Variants in GSAP observed in about 807,000 individuals in gnomAD.
GSAP encodes gamma-secretase-activating protein.
In GSAP, 118 loss-of-function variants were observed where a neutral mutation model predicts 131.7. The observed-to-expected ratio is 0.90, with a 90% CI of 0.77 to 1.04. The LOEUF is 1.04. GSAP is among the 50% of genes least tolerant of loss of function. The probability of loss-of-function intolerance (pLI) is 0.00; values close to 1 mark genes in which losing one functional copy is unlikely to be tolerated. For missense variants in GSAP, 1,019 were observed against 1,013.2 expected (o/e 1.01, Z -0.08); for synonymous variants, 381 against 363.4 (o/e 1.05, Z -0.55).
chr7:77,344,798 C>CT (rs1445134716), intron 19 of GSAP, among the ~76,000 whole-genome samples: 2 of 152,098 alleles, frequency 1.3e-5, no homozygotes, highest in African/African-American at 4.8e-5. Flanking sequence ...CACCCTCTAC[C>CT]TCTCCCCAGC....
intron 16 of GSAP, among the ~76,000 whole-genome samples, chr7:77,354,840 CAA>C (rs2150867947): frequency 6.6e-6 from 1 of 152,122 alleles, no homozygotes; most frequent in Non-Finnish European, 1.5e-5. Context: ...ATTTTTATTA[CAA>C]ATGTAATAAA....
At chr7:77,416,114 G>A (rs1443878409) in intron 1 of GSAP, 99 bp downstream of exon 1, 2 of 640,610 alleles carry the variant, frequency 3.1e-6, no homozygotes, top group Non-Finnish European at 4.9e-6. Flanking sequence ...TTCTCAGGGC[G>A]GCGACGCCCC....
At chr7:77,339,566 C>T (rs1391701940) in intron 19 of GSAP, among the ~76,000 whole-genome samples, 1 of 152,064 alleles carries the variant, frequency 6.6e-6, no homozygotes, top group East Asian at 1.9e-4. Context: ...CAAAAGAGCC[C>T]CCAAGCATGT....
rs76503071 is a variant in GSAP, at chr7:77,387,242, T to A, written c.456+118A>T. On this transcript the variant is annotated intron_variant, in intron 6 of 30. Transcript: ENST00000257626. ...GCGGATACTTCCAGCCATAGTAGTC[T>A]ACAAGACTGTTCTGAGGATTAAATA... is the stretch of plus-strand genomic sequence containing the variant. The A allele has an allele frequency of 1.3e-3, 779 of 603,774 alleles. 3 individuals are homozygous for A. In the African/African-American group the frequency reaches 0.013, roughly 10 times the overall value. 37.4% of individuals were successfully genotyped at this position (603,774 alleles called of 1,614,324 possible).
intron 5 of GSAP, 25 bp from the exon 6 acceptor site, chr7:77,387,473 T>A: frequency 8.1e-7 from 1 of 1,236,686 alleles, no homozygotes; most frequent in Non-Finnish European, 1.2e-6. Flanking sequence ...AGGCTTTTAG[T>A]AACGAAGATT....
intron 18 of GSAP, among the ~76,000 whole-genome samples, chr7:77,349,879 T>G (rs1474200326): frequency 6.6e-6 from 1 of 152,146 alleles, no homozygotes; most frequent in Non-Finnish European, 1.5e-5. Context: ...GGGTAATTTT[T>G]CTGTACCTCA....
chr7:77,355,435 CAA>C lies in GSAP; in HGVS notation c.1121-7_1121-6del, dbSNP rs35161141. The C allele has an allele frequency of 0.014, 18,891 of 1,310,996 alleles. No individual in the cohort carries two copies. Among genetic ancestry groups the C allele is most frequent in the Non-Finnish European group, 0.017 (15,964 of 947,282 alleles). 81.2% of individuals were successfully genotyped at this position (1,310,996 alleles called of 1,614,324 possible). On this transcript the variant is annotated splice_polypyrimidine_tract_variant and splice_region_variant and intron_variant, in intron 15 of 30. Coordinates refer to ENST00000257626, the MANE Select transcript of GSAP (RefSeq NM_017439.4). ...TATCAATCATTTCATTATTTCCTGG[CAA>C]AAAAAAAAAAAACAGTAGATCAGCA...
chr7:77,416,466 T>G (rs914744906), upstream of GSAP: 16 of 444,296 alleles, frequency 3.6e-5, no homozygotes, highest in African/African-American at 3.1e-4. Context: ...TGCAGCGCCC[T>G]GGCCTGAGAA....
chr7:77,321,842 T>C (rs1223165733), intron 24 of GSAP, among the ~76,000 whole-genome samples: 2 of 152,204 alleles, frequency 1.3e-5, no homozygotes, highest in Non-Finnish European at 2.9e-5. Context: ...CCAGATTCTA[T>C]ACATTACTAG....
chr7:77,412,461 A>C (rs1365388437), intron 1 of GSAP, among the ~76,000 whole-genome samples: 2 of 152,152 alleles, frequency 1.3e-5, no homozygotes, highest in African/African-American at 4.8e-5. Flanking sequence ...GGGAGGATTT[A>C]AGAGATCCAA....
rs759089367 is a variant in GSAP, at chr7:77,387,365, C to A, written c.451G>T (p.Val151Phe). 1 of 1,541,090 alleles carries A rather than the reference C, an allele frequency of 6.5e-7. No homozygotes were observed. The highest frequency in any genetic ancestry group is 2.2e-5 in the East Asian group (1 of 44,530). Residue 151 changes from valine (V) to phenylalanine (F), a missense_variant, in exon 6 of 31, where the codon GTT becomes TTT. Transcript: ENST00000257626. ...TAAATGGCATGCTTACTTACCTGAA[C>A]CCAAATATAGCTATCCACAGCCTTT... ...VLKAVDSYIW[V>F]QFLYPHIESH...
At chr7:77,311,791 A>G in intron 30 of GSAP, 50 bp downstream of exon 30, 1 of 866,984 alleles carries the variant, frequency 1.2e-6, no homozygotes, top group South Asian at 1.3e-5. Flanking sequence ...GGAAGGACTG[A>G]TGTGTCAAGG....
intron 1 of GSAP, among the ~76,000 whole-genome samples, chr7:77,411,233 C>T (rs1400170319): frequency 6.6e-6 from 1 of 151,978 alleles, no homozygotes; most frequent in African/African-American, 2.4e-5. Flanking sequence ...AAATATACCA[C>T]TTCCCTGGCA....
chr7:77,391,125 C>CAAAAAAAA (rs3083869), intron 5 of GSAP, among the ~76,000 whole-genome samples: 42 of 65,054 alleles, frequency 6.5e-4, no homozygotes, highest in African/African-American at 1.3e-3. Context: ...GGCTCCGTCT[C>CAAAAAAAA]AAAAAAAAAA....
At chr7:77,370,590 T>C (rs960453716) in intron 12 of GSAP, among the ~76,000 whole-genome samples, 2 of 152,238 alleles carry the variant, frequency 1.3e-5, no homozygotes, top group African/African-American at 4.8e-5. Context: ...CTCTGCTATG[T>C]ATTTTCCTGT....
chr7:77,375,156 C>T, intron 10 of GSAP, 55 bp from the exon 11 acceptor site: 2 of 1,033,682 alleles, frequency 1.9e-6, no homozygotes, highest in South Asian at 1.4e-5. Flanking sequence ...GATGACAGTT[C>T]TGAAAACCAG....
chr7:77,317,383 T>TGGGGGTTG (rs1423134746), intron 26 of GSAP, among the ~76,000 whole-genome samples: 1 of 51,526 alleles, frequency 1.9e-5, no homozygotes, highest in African/African-American at 1.2e-4. Context: ...GTCGTGGGGT[T>TGGGGGTTG]GGGGGCTGGG....
Position 77,321,324 on chromosome 7 carries a change from C to T in GSAP, c.1994+9G>A. ...TACACCATGATAAAAGTGAGAAATACTTGCGTACAAGTGGAGAACCCAGGA... is the reference window on the plus strand; with the variant it reads ...TACACCATGATAAAAGTGAGAAATATTTGCGTACAAGTGGAGAACCCAGGA... On this transcript the variant is annotated intron_variant, in intron 25 of 30. Transcript: ENST00000257626. 1 of 1,545,240 alleles carries T rather than the reference C, an allele frequency of 6.5e-7. No homozygotes were observed. Among genetic ancestry groups the T allele is most frequent in the Non-Finnish European group, 8.9e-7 (1 of 1,117,444 alleles).
intron 19 of GSAP, among the ~76,000 whole-genome samples, chr7:77,348,655 C>G (rs879493943): frequency 5.9e-5 from 9 of 152,210 alleles, no homozygotes; most frequent in Admixed American, 5.2e-4. Flanking sequence ...AACAAAGGAG[C>G]TTCAAGGAAA....
Sources: allele counts gnomAD v4.1 joint callset (sites outside exome capture counted in the v4.1 genomes callset), GRCh38; gene constraint gnomAD v4.1.1; transcripts MANE v1.5; gene names NCBI Gene and HGNC (gene_info 2026-07-23, HGNC 2026-07-21).